The following COXFA4L2 variants were observed in gnomAD, a reference collection of about 807,000 sequenced individuals.
The protein encoded by COXFA4L2 is NADH dehydrogenase (ubiquinone) 1 alpha subcomplex, 4-like 2.
chr12:57,234,934 C>T, the COXFA4L2 span: 3 of 155,808 alleles, frequency 1.9e-5, no homozygotes, highest in African/African-American at 7.2e-5. Context: ...GTATTTTGCC[C>T]ACGGCTGCTT....
chr12:57,235,749 CTTGTA>C, the COXFA4L2 span: 1 of 1,599,074 alleles, frequency 6.3e-7, no homozygotes, highest in Non-Finnish European at 8.5e-7. Context: ...CGAGAGGTAC[CTTGTA>C]TTGGTCATTG....
chr12:57,240,175 G>C, the COXFA4L2 span: 1 of 152,296 alleles, frequency 6.6e-6, no homozygotes, highest in East Asian at 1.9e-4. Context: ...AGATGATCAT[G>C]ATTGCATCAG....
At chr12:57,235,739 C>T in the COXFA4L2 span, 10 of 1,603,996 alleles carry the variant, frequency 6.2e-6, no homozygotes, top group Admixed American at 3.4e-5. Context: ...CTAGAGCCAT[C>T]GAGAGGTACC....
chr12:57,237,178 C>T, the COXFA4L2 span: 6 of 1,610,294 alleles, frequency 3.7e-6, no homozygotes, highest in Non-Finnish European at 5.1e-6. Flanking sequence ...TCAGCCCAGC[C>T]CAGAGCAGCT....
chr12:57,235,225 G>A, the COXFA4L2 span: 4 of 355,912 alleles, frequency 1.1e-5, no homozygotes, highest in Admixed American at 4.2e-5. Flanking sequence ...GTTGGCTCAC[G>A]TAGGCCACGC....
At chr12:57,238,216 A>T in the COXFA4L2 span, among the ~76,000 whole-genome samples, 1 of 152,058 alleles carries the variant, frequency 6.6e-6, no homozygotes, top group African/African-American at 2.4e-5. The surrounding 1 kb of genome is among the most constrained non-coding windows in gnomAD (Gnocchi z 6.8). Context: ...GGGTACAGGG[A>T]GGGAGAGGGC....
the COXFA4L2 span, chr12:57,235,583 T>C: frequency 1.2e-6 from 2 of 1,613,948 alleles, no homozygotes; most frequent in Non-Finnish European, 8.5e-7. Context: ...GGCCGGTCCT[T>C]CTTCAGCTTC....
chr12:57,235,715 G>A, the COXFA4L2 span: 1 of 1,611,444 alleles, frequency 6.2e-7, no homozygotes. Context: ...GAGATAAGAG[G>A]ATGGGGGGCA....
At chr12:57,235,558 C>T in the COXFA4L2 span, 1 of 1,613,480 alleles carries the variant, frequency 6.2e-7, no homozygotes, top group Non-Finnish European at 8.5e-7. Flanking sequence ...GCAGCCCAGC[C>T]TGGCTTAGAA....
chr12:57,235,877 A>C, the COXFA4L2 span: 2 of 1,388,636 alleles, frequency 1.4e-6, no homozygotes, highest in Non-Finnish European at 9.6e-7. Context: ...ACCCAATTTG[A>C]CCCCCAAGCT....
the COXFA4L2 span, chr12:57,237,253 A>G: frequency 6.8e-7 from 1 of 1,469,096 alleles, no homozygotes; most frequent in Non-Finnish European, 9.0e-7. Flanking sequence ...TTTCTCCTCA[A>G]TTCCAGGCCC....
the COXFA4L2 span, chr12:57,236,487 G>A: frequency 2.1e-6 from 2 of 959,718 alleles, no homozygotes; most frequent in Admixed American, 5.8e-5. Context: ...GGTCGGTACA[G>A]TCGAAGGTGC....
the COXFA4L2 span, chr12:57,235,538 C>T: frequency 1.9e-6 from 3 of 1,610,888 alleles, no homozygotes; most frequent in East Asian, 4.5e-5. Flanking sequence ...CTGTGGCTTG[C>T]ATGGCACTGG....
chr12:57,238,578 G>A, the COXFA4L2 span, among the ~76,000 whole-genome samples: 2,759 of 152,250 alleles, frequency 0.018, 83 homozygotes, highest in African/African-American at 0.063. The surrounding 1 kb of genome is among the most constrained non-coding windows in gnomAD (Gnocchi z 6.8). Context: ...AAACTCGAGC[G>A]GCCGCACAAC....
At chr12:57,237,903 T>C in the COXFA4L2 span, 6 of 154,406 alleles carry the variant, frequency 3.9e-5, no homozygotes, top group African/African-American at 1.4e-4. Context: ...ACAGGAAAGA[T>C]CGGACAGATG....
the COXFA4L2 span, chr12:57,235,689 T>C: frequency 6.2e-7 from 1 of 1,612,538 alleles, no homozygotes; most frequent in Admixed American, 1.7e-5. Flanking sequence ...ACGGGAGTTG[T>C]GGGTGCCAGG....
chr12:57,236,671 A>G, the COXFA4L2 span: 44 of 1,566,830 alleles, frequency 2.8e-5, no homozygotes, highest in South Asian at 4.8e-4. Context: ...TAAGCCGATC[A>G]TCGGGATGAT....
the COXFA4L2 span, chr12:57,236,477 G>A: frequency 1.8e-5 from 15 of 855,668 alleles, no homozygotes; most frequent in East Asian, 3.0e-5. Context: ...CTGAGATGCC[G>A]GTCGGTACAG....
the COXFA4L2 span, chr12:57,240,034 C>T: frequency 6.6e-6 from 1 of 152,334 alleles, no homozygotes; most frequent in South Asian, 2.1e-4. Flanking sequence ...CAGCGTTGAT[C>T]TTCCCGCTGC....
Sources: allele counts gnomAD v4.1 joint callset (sites outside exome capture counted in the v4.1 genomes callset), GRCh38; gene constraint gnomAD v4.1.1; non-coding constraint Gnocchi (gnomAD v3.1); transcripts MANE v1.5; gene names NCBI Gene and HGNC (gene_info 2026-07-23, HGNC 2026-07-21).